The following SHC4 variants were observed in gnomAD, a reference collection of about 807,000 sequenced individuals.
The protein encoded by SHC4 is SHC adaptor protein 4.
A neutral mutation model predicts 69.4 loss-of-function variants in SHC4; 41 were observed. That is an observed-to-expected ratio of 0.59 (90% CI 0.46 to 0.77). The LOEUF (loss-of-function observed/expected upper bound fraction) is 0.77. SHC4 is among the 30% of genes least tolerant of loss of function. SHC4 has a pLI of 0.00. For synonymous variants in SHC4, 318 were observed against 299.3 expected (o/e 1.06, Z -0.64); for missense variants, 777 against 783.8 (o/e 0.99, Z 0.10).
chr15:48,848,023 A>C (rs1400282825), intron 9 of SHC4, among the ~76,000 whole-genome samples: 7 of 150,782 alleles, frequency 4.6e-5, no homozygotes, highest in Middle Eastern at 3.4e-3. Flanking sequence ...AAAAACAAAA[A>C]AAACAAACAA....
Position 48,925,935 on chromosome 15 carries a change from A to G in SHC4, c.586-986T>C, listed in dbSNP as rs569744745. Among the ~76,000 whole-genome samples, 4 of 152,326 alleles carry G rather than the reference A, an allele frequency of 2.6e-5. No homozygotes were observed. The East Asian group carries it at 7.7e-4, about 29-fold the overall frequency. On this transcript the variant is annotated intron_variant, in intron 1 of 11. Transcript: ENST00000332408. ...CGGCAGTTGATTTGATACGGAGAAC[A>G]AGAGAGAAGGATGAGTCAAGGATGA... is the stretch of plus-strand genomic sequence containing the variant.
intron 1 of SHC4, among the ~76,000 whole-genome samples, chr15:48,943,677 A>G (rs1377983817): frequency 6.6e-6 from 1 of 152,038 alleles, no homozygotes; most frequent in African/African-American, 2.4e-5. Flanking sequence ...GAACCTCCAT[A>G]TTGTTTTCCA....
chr15:48,854,807 G>A (rs1018646535), intron 8 of SHC4, among the ~76,000 whole-genome samples: 1 of 152,114 alleles, frequency 6.6e-6, no homozygotes, highest in African/African-American at 2.4e-5. Flanking sequence ...ATTGACACTG[G>A]CGACCACTAA....
chr15:48,933,936 C>G (rs1475507565), intron 1 of SHC4, among the ~76,000 whole-genome samples: 1 of 152,064 alleles, frequency 6.6e-6, no homozygotes, highest in African/African-American at 2.4e-5. Context: ...AACATAAACT[C>G]AGAATGGTTA....
In SHC4 at chr15:48,930,611, T is replaced by C. The variant is rs539520391; in HGVS notation, c.586-5662A>G. On this transcript the variant is annotated intron_variant, in intron 1 of 11. Coordinates refer to ENST00000332408, the MANE Select transcript of SHC4 (RefSeq NM_203349.4). ...ACAATCGTGCCATTGCACTCCAGCC[T>C]GGGGGACAGAGCGAGACCCTGTCTG... 2.8e-3 allele frequency among the ~76,000 whole-genome samples: 424 copies of C among 152,272 alleles called. 6 individuals are homozygous for C. Among genetic ancestry groups the C allele is most frequent in the South Asian group, 8.7e-3 (42 of 4,816 alleles).
chr15:48,841,722 A>T (rs1009151694), intron 10 of SHC4, among the ~76,000 whole-genome samples: 7 of 152,092 alleles, frequency 4.6e-5, no homozygotes, highest in Admixed American at 6.6e-5. Context: ...TTGCTTCCTG[A>T]TATTGATCCT....
At chr15:48,856,211 T>A (rs77272932) in intron 7 of SHC4, 87 bp from the exon 8 acceptor site, 20 of 1,310,232 alleles carry the variant, frequency 1.5e-5, no homozygotes, top group South Asian at 4.4e-5. Flanking sequence ...AAGCAAATCA[T>A]CCTGAAAAAC....
chr15:48,903,315 A>T (rs1044955132), intron 2 of SHC4, among the ~76,000 whole-genome samples: 1 of 152,184 alleles, frequency 6.6e-6, no homozygotes, highest in Non-Finnish European at 1.5e-5. Flanking sequence ...CCTTTTACCA[A>T]TGAAAAGACT....
intron 7 of SHC4, 22 bp from the exon 8 acceptor site, chr15:48,856,146 T>C: frequency 6.3e-7 from 1 of 1,599,112 alleles, no homozygotes. Flanking sequence ...AAAAGAATCC[T>C]CAAGAGGCTG....
At chr15:48,950,985 A>T (rs945400160) in intron 1 of SHC4, among the ~76,000 whole-genome samples, 1 of 151,836 alleles carries the variant, frequency 6.6e-6, no homozygotes, top group Non-Finnish European at 1.5e-5. Flanking sequence ...TCCCTAGGTG[A>T]CCTGTCCTCT....
intron 2 of SHC4, among the ~76,000 whole-genome samples, chr15:48,911,364 T>C (rs1900504988): frequency 6.6e-6 from 1 of 152,184 alleles, no homozygotes; most frequent in South Asian, 2.1e-4. Flanking sequence ...GTTTATTTTG[T>C]CTGATATAAG....
chr15:48,919,941 G>GA (rs138548874), intron 2 of SHC4, among the ~76,000 whole-genome samples: 216 of 142,488 alleles, frequency 1.5e-3, no homozygotes, highest in Admixed American at 5.7e-3. Flanking sequence ...AAGGAGAGGG[G>GA]AAAAAAAAAA....
chr15:48,892,653 T>C (rs1264672518), intron 2 of SHC4, among the ~76,000 whole-genome samples: 5 of 152,084 alleles, frequency 3.3e-5, no homozygotes, highest in African/African-American at 1.2e-4. Flanking sequence ...TATTATAAGA[T>C]AGGGCAGATC....
At chr15:48,863,496 TATAA>T (rs1298559872) in intron 6 of SHC4, among the ~76,000 whole-genome samples, 2 of 152,046 alleles carry the variant, frequency 1.3e-5, no homozygotes, top group East Asian at 3.8e-4. Flanking sequence ...TGTCTTATGA[TATAA>T]ATAATATACA....
intron 2 of SHC4, among the ~76,000 whole-genome samples, chr15:48,911,091 A>G (rs1482040237): frequency 2.0e-5 from 3 of 151,488 alleles, no homozygotes; most frequent in African/African-American, 7.3e-5. Context: ...CACTTGTTCC[A>G]AGATATAGTT....
In SHC4 at chr15:48,829,011, T is replaced by C. The variant is rs182946761; in HGVS notation, c.1738-2885A>G. 1.3e-3 allele frequency among the ~76,000 whole-genome samples: 193 copies of C among 152,308 alleles called. 1 individual carries two copies. Among genetic ancestry groups the C allele is most frequent in the African/African-American group, 4.3e-3 (178 of 41,576 alleles). The stretch of plus-strand genomic sequence containing the variant: ...TGTTTTCTTTGCTGTGCAGAAGCTT[T>C]TTAGTTTAATGTAATGCCACTTCTC... On this transcript the variant is annotated intron_variant, in intron 11 of 11. Coordinates refer to ENST00000332408, the MANE Select transcript of SHC4 (RefSeq NM_203349.4).
chr15:48,870,453 A>C (rs1279667574), intron 5 of SHC4, among the ~76,000 whole-genome samples: 1 of 152,242 alleles, frequency 6.6e-6, no homozygotes, highest in African/African-American at 2.4e-5. Flanking sequence ...TTTACTTTTA[A>C]AAATGGCAGC....
At chr15:48,931,017 A>T (rs1255419997) in intron 1 of SHC4, among the ~76,000 whole-genome samples, 1 of 152,090 alleles carries the variant, frequency 6.6e-6, no homozygotes, top group African/African-American at 2.4e-5. Context: ...CTACTCACCT[A>T]TTGGGGTCAC....
At chr15:48,955,426 A>G (rs1901435990) in intron 1 of SHC4, among the ~76,000 whole-genome samples, 2 of 152,080 alleles carry the variant, frequency 1.3e-5, no homozygotes, top group Non-Finnish European at 2.9e-5. Context: ...GTCCCTCCAT[A>G]TGATAACACC....
Sources: allele counts gnomAD v4.1 joint callset (sites outside exome capture counted in the v4.1 genomes callset), GRCh38; gene constraint gnomAD v4.1.1; transcripts MANE v1.5; gene names NCBI Gene and HGNC (gene_info 2026-07-23, HGNC 2026-07-21).